Variants in ZNF644 observed in about 807,000 individuals in gnomAD.
ZNF644 encodes zinc finger motif enhancer binding protein 2.
In ZNF644, 20 loss-of-function variants were observed where a neutral mutation model predicts 108.0. That is an observed-to-expected ratio of 0.19 (90% confidence interval 0.13 to 0.27). ZNF644 has a LOEUF of 0.27. ZNF644 is among the 10% of genes least tolerant of loss of function. The pLI is 1.00. For missense variants in ZNF644, 1,338 were observed against 1,548.9 expected (o/e 0.86, Z 2.29); for synonymous variants, 542 against 539.1 (o/e 1.01, Z -0.08).
At position 90,940,529 on chromosome 1, in the gene ZNF644, T is replaced by C. The variant is rs769092244; in HGVS notation, c.825A>G (p.Thr275=). 3.1e-6 allele frequency: 5 copies of C among 1,614,020 alleles called. No individual in the cohort carries two copies. The East Asian group carries it at 1.1e-4, about 36-fold the overall frequency. ...TAGAATGAGGTGGAGCTTTATCTAC[T>C]GTTTCCTCATTAGTCATAAGAAATT... is the stretch of plus-strand genomic sequence containing the variant. ...FIQFLMTNEE[T]VDKAPPHSKI... is the part of the protein sequence containing the mutation. The change falls in exon 3 of 6, where the codon ACA becomes ACG. Residue 275 remains threonine, a synonymous_variant. Transcript: ENST00000337393.
chr1:90,946,069 T>C (rs1429465141), intron 2 of ZNF644, among the ~76,000 whole-genome samples: 1 of 152,070 alleles, frequency 6.6e-6, no homozygotes, highest in Non-Finnish European at 1.5e-5. Flanking sequence ...ATGTATGAGA[T>C]TGGGTCAAGA....
chr1:90,926,203 T>C (rs1480206666), intron 4 of ZNF644, among the ~76,000 whole-genome samples: 1 of 152,180 alleles, frequency 6.6e-6, no homozygotes, highest in East Asian at 1.9e-4. Flanking sequence ...GCACATAGGA[T>C]GCCTATGAAC....
rs748519920 is a variant in ZNF644, at chr1:90,940,655, C to T, written c.699G>A (p.Val233=). 2 of 1,613,912 alleles carry T rather than the reference C, an allele frequency of 1.2e-6. No individual in the cohort carries two copies. Among genetic ancestry groups the T allele is most frequent in the Non-Finnish European group, 1.7e-6 (2 of 1,179,984 alleles). The change falls in exon 3 of 6, where the codon GTG becomes GTA. Residue 233 remains valine (V), a synonymous_variant. Transcript: ENST00000337393. Reference sequence around the variant, plus strand: ...TTACTGTATTGACACAATCATCTTTCACCAATAAATCTTCACCATCCTCAC... The same window carrying T: ...TTACTGTATTGACACAATCATCTTTTACCAATAAATCTTCACCATCCTCAC... The part of the protein sequence containing the change: ...EVGEDGEDLL[V]KDDCVNTVTG...
chr1:90,931,573 A>C (rs1650731945), intron 4 of ZNF644, among the ~76,000 whole-genome samples: 1 of 152,146 alleles, frequency 6.6e-6, no homozygotes, highest in Non-Finnish European at 1.5e-5. Context: ...AAAATTATTA[A>C]ACAATTTATT....
chr1:90,969,361 G>A (rs1570461667), intron 2 of ZNF644, among the ~76,000 whole-genome samples: 1 of 152,168 alleles, frequency 6.6e-6, no homozygotes, highest in East Asian at 1.9e-4. Context: ...CTCCAGAAAT[G>A]TGAGAAAATA....
chr1:90,947,218 ATAGT>A (rs1652608210), intron 2 of ZNF644, among the ~76,000 whole-genome samples: 1 of 152,212 alleles, frequency 6.6e-6, no homozygotes, highest in African/African-American at 2.4e-5. Context: ...GTACTAAGTC[ATAGT>A]TAGCACAGAA....
chr1:91,003,687 C>CAA (rs199940770), intron 1 of ZNF644, among the ~76,000 whole-genome samples: 339 of 148,498 alleles, frequency 2.3e-3, no homozygotes, highest in African/African-American at 8.0e-3. Flanking sequence ...ATAATAATAT[C>CAA]AAAAAAAAAT....
intron 2 of ZNF644, among the ~76,000 whole-genome samples, chr1:90,953,298 A>ATTT (rs10586999): frequency 7.0e-6 from 1 of 142,912 alleles, no homozygotes; most frequent in African/African-American, 2.6e-5. Flanking sequence ...ATGAGCCACC[A>ATTT]TTTTTTTTTT....
intron 2 of ZNF644, among the ~76,000 whole-genome samples, chr1:90,942,264 C>T (rs1400522076): frequency 6.6e-6 from 1 of 151,984 alleles, no homozygotes; most frequent in Non-Finnish European, 1.5e-5. Context: ...CTTTTCTAGG[C>T]ATTTTTGATA....
intron 4 of ZNF644, chr1:90,918,412 T>C: frequency 2.3e-6 from 1 of 426,204 alleles, no homozygotes; most frequent in Non-Finnish European, 4.3e-6. Flanking sequence ...AATAATGCTT[T>C]ACCACACCAA....
chr1:90,939,442 C>T lies in ZNF644; in HGVS notation c.1912G>A (p.Asp638Asn), dbSNP rs375411151. Reference sequence around the variant, plus strand: ...TGTTTAGTTAATGTTTTAGTGCTATCACTATCTACAGGTTCTTCAAGGATG... The same window carrying T: ...TGTTTAGTTAATGTTTTAGTGCTATTACTATCTACAGGTTCTTCAAGGATG... ...NDILEEPVDS[D>N]STKTLTKQQS... The change falls in exon 3 of 6, where the codon GAT becomes AAT. Residue 638 changes from aspartate (D) to asparagine (N), a missense_variant. By Grantham distance (23) the Asp-to-Asn change is conservative. This residue lies in a region of ZNF644 where 462 missense variants were observed against 472.6 expected (regional missense o/e 0.98). Transcript: ENST00000337393. 5.5e-5 allele frequency: 89 copies of T among 1,613,746 alleles called. No individual in the cohort carries two copies. Among genetic ancestry groups the T allele is most frequent in the Non-Finnish European group, 6.8e-5 (80 of 1,179,916 alleles).
At chr1:91,004,350 A>G (rs1659201636) in intron 1 of ZNF644, among the ~76,000 whole-genome samples, 1 of 152,206 alleles carries the variant, frequency 6.6e-6, no homozygotes, top group Non-Finnish European at 1.5e-5. Context: ...CAACTTTAGT[A>G]ACATTAACAA....
chr1:90,938,094 G>GA lies in ZNF644; in HGVS notation c.3083-5dup. On this transcript the variant is annotated splice_region_variant and splice_polypyrimidine_tract_variant and intron_variant, in intron 3 of 5. Transcript: ENST00000337393. The surrounding 1 kb of genome is among the most constrained non-coding windows in gnomAD (Gnocchi z 4.2). Reference sequence around the variant, plus strand: ...GTGGTTTCAGACTTCTCTATAGCTAGAAAAAAATTTTTAAGAGTAATATCA... The same window carrying GA: ...GTGGTTTCAGACTTCTCTATAGCTAGAAAAAAAATTTTTAAGAGTAATATCA... 1.9e-6 allele frequency: 3 copies of GA among 1,610,574 alleles called. No homozygotes were observed. The highest frequency in any genetic ancestry group is 2.5e-6 in the Non-Finnish European group (3 of 1,179,570).
chr1:90,970,559 G>T (rs1418535088), intron 2 of ZNF644, among the ~76,000 whole-genome samples: 1 of 152,068 alleles, frequency 6.6e-6, no homozygotes, highest in Non-Finnish European at 1.5e-5. Flanking sequence ...CTAATGTTCA[G>T]TCCCCTTCTG....
intron 1 of ZNF644, among the ~76,000 whole-genome samples, chr1:90,983,637 A>T (rs993262304): frequency 3.3e-5 from 5 of 152,140 alleles, no homozygotes; most frequent in Admixed American, 3.3e-4. Context: ...TGAGAAGACA[A>T]GCGGAGAGGC....
intron 1 of ZNF644, among the ~76,000 whole-genome samples, chr1:91,005,803 A>G (rs1570566870): frequency 6.6e-6 from 1 of 152,176 alleles, no homozygotes; most frequent in South Asian, 2.1e-4. Flanking sequence ...ATAGCTATAT[A>G]TGACTACATT....
At chr1:90,932,043 C>A (rs1473612873) in intron 4 of ZNF644, among the ~76,000 whole-genome samples, 1 of 151,896 alleles carries the variant, frequency 6.6e-6, no homozygotes, top group Non-Finnish European at 1.5e-5. Flanking sequence ...TGTCGGTGAC[C>A]CCAGTAAAGA....
chr1:90,931,370 CAAA>C (rs34562144), intron 4 of ZNF644, among the ~76,000 whole-genome samples: 1 of 139,320 alleles, frequency 7.2e-6, no homozygotes. Context: ...AACAAAATCT[CAAA>C]AAAAAAAAAA....
At chr1:90,918,566 T>C (rs1649065731) in intron 4 of ZNF644, among the ~76,000 whole-genome samples, 1 of 152,196 alleles carries the variant, frequency 6.6e-6, no homozygotes, top group East Asian at 1.9e-4. Flanking sequence ...AACCTTTTAT[T>C]TGAGATCATT....
Sources: allele counts gnomAD v4.1 joint callset (sites outside exome capture counted in the v4.1 genomes callset), GRCh38; gene constraint gnomAD v4.1.1; regional missense constraint gnomAD v4.1.1; non-coding constraint Gnocchi (gnomAD v3.1); transcripts MANE v1.5; gene names NCBI Gene and HGNC (gene_info 2026-07-23, HGNC 2026-07-21).